Variants in NAA11 observed in about 807,000 individuals in gnomAD.
NAA11 encodes N-alpha-acetyltransferase 11, NatA catalytic subunit.
In NAA11, 15 loss-of-function variants were observed where a neutral mutation model predicts 16.1. That is an observed-to-expected ratio of 0.93 (90% CI 0.62 to 1.44). The LOEUF is 1.44. NAA11 is among the 40% of genes most tolerant of loss of function. The pLI is 0.00. For synonymous variants in NAA11, 122 were observed against 112.4 expected (o/e 1.09, Z -0.54); for missense variants, 298 against 291.3 (o/e 1.02, Z -0.17).
the NAA11 span, among the ~76,000 whole-genome samples, chr4:79,158,079 T>C: frequency 6.6e-6 from 1 of 151,892 alleles, no homozygotes; most frequent in African/African-American, 2.4e-5. Context: ...TCTTTTTATT[T>C]TTTAGTAGAG....
chr4:79,319,138 G>A (rs1388025091), intron 1 of NAA11, among the ~76,000 whole-genome samples: 1 of 152,172 alleles, frequency 6.6e-6, no homozygotes, highest in Admixed American at 6.5e-5. Flanking sequence ...ATGTTTTCAA[G>A]GCTGGTCTTG....
chr4:79,283,342 G>T (rs577924283), intron 2 of NAA11, among the ~76,000 whole-genome samples: 1 of 151,956 alleles, frequency 6.6e-6, no homozygotes, highest in African/African-American at 2.4e-5. Flanking sequence ...AGGAAGAAAA[G>T]TTAATAATGT....
intron 2 of NAA11, among the ~76,000 whole-genome samples, chr4:79,274,834 G>A (rs922200197): frequency 2.0e-5 from 3 of 152,002 alleles, no homozygotes; most frequent in African/African-American, 4.8e-5. Flanking sequence ...TGCTCACATA[G>A]GGATCACAAC....
intron 2 of NAA11, among the ~76,000 whole-genome samples, chr4:79,253,389 T>C (rs1391889747): frequency 6.6e-6 from 1 of 152,180 alleles, no homozygotes; most frequent in Admixed American, 6.5e-5. Flanking sequence ...TTAAAGCCAT[T>C]GGACAAGATT....
the NAA11 span, among the ~76,000 whole-genome samples, chr4:79,203,335 C>T: frequency 6.6e-6 from 1 of 151,724 alleles, no homozygotes; most frequent in African/African-American, 2.4e-5. Flanking sequence ...TGCACACATG[C>T]ACACACATTA....
chr4:79,187,867 C>T, the NAA11 span, among the ~76,000 whole-genome samples: 3 of 151,662 alleles, frequency 2.0e-5, no homozygotes, highest in East Asian at 2.0e-4. Flanking sequence ...GGCACGGTGG[C>T]GGGCGCCTGT....
At chr4:79,283,280 T>C (rs1722836892) in intron 2 of NAA11, among the ~76,000 whole-genome samples, 1 of 152,018 alleles carries the variant, frequency 6.6e-6, no homozygotes, top group African/African-American at 2.4e-5. Flanking sequence ...AAGTTTTTTT[T>C]TAATGAACAA....
At chr4:79,228,220 T>C (rs1306941394) in intron 2 of NAA11, among the ~76,000 whole-genome samples, 1 of 152,004 alleles carries the variant, frequency 6.6e-6, no homozygotes, top group Non-Finnish European at 1.5e-5. Context: ...AAAAGAAAAC[T>C]TTGGGGAAAT....
In NAA11 at chr4:79,310,284, C is replaced by G. The variant is rs372513771; in HGVS notation, c.*12+14892G>C. ...GATTAGGCTTATTAAAATGTTTACTCAACAACTAAAAAGGAAGTGGATGAA... is the reference window on the plus strand; with the variant it reads ...GATTAGGCTTATTAAAATGTTTACTGAACAACTAAAAAGGAAGTGGATGAA... On this transcript the variant is annotated intron_variant and NMD_transcript_variant, in intron 1 of 2. Transcript: ENST00000511542. Among the ~76,000 whole-genome samples the G allele has an allele frequency of 1.6e-4, 24 of 152,280 alleles. No homozygotes were observed. The East Asian group carries it at 4.6e-3, about 29-fold the overall frequency.
chr4:79,167,132 T>TTTTATATATATATATATATATATA, the NAA11 span, among the ~76,000 whole-genome samples: 1 of 17,284 alleles, frequency 5.8e-5, no homozygotes, highest in Non-Finnish European at 1.4e-4. Flanking sequence ...ACAGCTTATT[T>TTTTATATATATATATATATATATA]TATATATATA....
chr4:79,159,788 A>G, the NAA11 span, among the ~76,000 whole-genome samples: 1 of 152,194 alleles, frequency 6.6e-6, no homozygotes. Flanking sequence ...TTTTATATAA[A>G]TGGAAATATA....
At chr4:79,197,803 A>C in the NAA11 span, among the ~76,000 whole-genome samples, 1 of 151,938 alleles carries the variant, frequency 6.6e-6, no homozygotes. Context: ...TTCAAGTATA[A>C]AGGAGAGTTG....
chr4:79,257,450 T>A (rs772365597), intron 2 of NAA11, among the ~76,000 whole-genome samples: 5 of 152,150 alleles, frequency 3.3e-5, no homozygotes, highest in Non-Finnish European at 5.9e-5. Flanking sequence ...AATTGTTGCT[T>A]TTAGTTTAGT....
the NAA11 span, among the ~76,000 whole-genome samples, chr4:79,180,563 T>G: frequency 2.0e-5 from 3 of 152,128 alleles, no homozygotes; most frequent in Non-Finnish European, 4.4e-5. Flanking sequence ...AGGCGATCAT[T>G]AAAAAGTCAG....
intron 1 of NAA11, among the ~76,000 whole-genome samples, chr4:79,304,046 C>A (rs10004612): frequency 0.42 from 63,262 of 151,934 alleles, 14,429 homozygotes; most frequent in East Asian, 0.77. Flanking sequence ...AGCTCTTCGA[C>A]CATCATGTGT....
intron 2 of NAA11, among the ~76,000 whole-genome samples, chr4:79,290,859 G>A (rs1281238176): frequency 1.3e-5 from 2 of 152,094 alleles, no homozygotes; most frequent in Admixed American, 1.3e-4. Context: ...ATGAAAATGA[G>A]ACAAAACTGA....
intron 1 of NAA11, among the ~76,000 whole-genome samples, chr4:79,303,076 T>TTATATATATATATATATATATA (rs59261096): frequency 1.5e-5 from 1 of 67,524 alleles, no homozygotes; most frequent in African/African-American, 5.9e-5. Flanking sequence ...TTGAGGCCTT[T>TTATATATATATATATATATATA]TATATATATA....
chr4:79,156,699 T>G, the NAA11 span, among the ~76,000 whole-genome samples: 1 of 152,226 alleles, frequency 6.6e-6, no homozygotes, highest in East Asian at 1.9e-4. Flanking sequence ...CTGGGCACTG[T>G]GGACCAGACA....
At chr4:79,208,170 T>C in the NAA11 span, among the ~76,000 whole-genome samples, 1 of 152,124 alleles carries the variant, frequency 6.6e-6, no homozygotes, top group Non-Finnish European at 1.5e-5. Flanking sequence ...GGCTCTAACT[T>C]TGGAATAAGG....
Sources: allele counts gnomAD v4.1 joint callset (sites outside exome capture counted in the v4.1 genomes callset), GRCh38; gene constraint gnomAD v4.1.1; transcripts MANE v1.5; gene names NCBI Gene and HGNC (gene_info 2026-07-23, HGNC 2026-07-21).